The following NLRC5 variants were observed in gnomAD, a reference collection of about 807,000 sequenced individuals.
NLRC5 encodes the protein NLR family CARD domain containing 5.
NLRC5 carries 114 observed loss-of-function variants against 206.9 expected under a neutral mutation model. The observed-to-expected ratio is 0.55, with a 90% CI of 0.47 to 0.64. The LOEUF (loss-of-function observed/expected upper bound fraction) is 0.64. Among genes scored for constraint, NLRC5 ranks in the 30% least tolerant of loss-of-function variants. The probability of loss-of-function intolerance (pLI) is 0.00; values close to 1 mark genes in which losing one functional copy is unlikely to be tolerated. For synonymous variants in NLRC5, 952 were observed against 962.8 expected (o/e 0.99, Z 0.21); for missense variants, 2,008 against 2,305.5 (o/e 0.87, Z 2.64).
chr16:57,073,357 C>T (rs1366763003), intron 38 of NLRC5, among the ~76,000 whole-genome samples: 5 of 152,306 alleles, frequency 3.3e-5, no homozygotes, highest in Admixed American at 6.5e-5. Flanking sequence ...TCCCCACAGG[C>T]AGTTACCCTC....
chr16:57,043,600 A>G lies in NLRC5; in HGVS notation c.3199A>G (p.Ile1067Val), dbSNP rs751247247. Residue 1067 changes from isoleucine to valine, a missense_variant, in exon 20 of 49, where the codon ATC becomes GTC. Physicochemically the swap from Ile to Val is conservative, Grantham distance 29 (BLOSUM62 3). Coordinates refer to ENST00000688547, the MANE Select transcript of NLRC5 (RefSeq NM_001384950.1). ...STLQWLFRLD[I>V]SFESQHILLR... is the part of the protein sequence containing the mutation. ...TCTGCAGTGGCTCTTCCGCTTGGAC[A>G]TCAGGTGAGCGTGCCTCTCCGCCCC... The G allele has an allele frequency of 4.9e-5, 79 of 1,613,498 alleles. No individual in the cohort carries two copies. The highest frequency in any genetic ancestry group is 6.7e-5 in the Admixed American group (4 of 59,988).
At chr16:57,061,412 C>T (rs1322665730) in intron 30 of NLRC5, 36 bp from the exon 31 acceptor site, 1 of 1,594,544 alleles carries the variant, frequency 6.3e-7, no homozygotes, top group East Asian at 2.2e-5. Flanking sequence ...TGCCCACAGG[C>T]CTCACCCAGG....
In NLRC5 at chr16:57,029,821, G is replaced by C; in HGVS notation, c.2292G>C (p.Glu764Asp). 1.2e-6 allele frequency: 2 copies of C among 1,614,184 alleles called. No individual in the cohort carries two copies. Among genetic ancestry groups the C allele is most frequent in the Non-Finnish European group, 1.7e-6 (2 of 1,180,028 alleles). ...LSDQVVLNIV[E>D]VLPHLPRLRK... ...ACCAGGTGGTGCTGAACATTGTGGA[G>C]GTTCTCCCTCACCTACCACGGCTCC... Residue 764 changes from glutamate (E) to aspartate (D), a missense_variant, in exon 9 of 49, where the codon GAG becomes GAC. Transcript: ENST00000688547.
chr16:57,011,121 T>A (rs2059446014), intron 1 of NLRC5, among the ~76,000 whole-genome samples: 1 of 152,116 alleles, frequency 6.6e-6, no homozygotes, highest in South Asian at 2.1e-4. Context: ...TTTTAAAATT[T>A]GAATTTATGG....
At chr16:57,047,716 G>A in intron 23 of NLRC5, 88 bp downstream of exon 23, 2 of 1,133,452 alleles carry the variant, frequency 1.8e-6, no homozygotes, top group East Asian at 2.5e-5. Context: ...GAAGACAGGT[G>A]AGTCTTTCTC....
chr16:57,035,224 C>T (rs1181542555), intron 13 of NLRC5, among the ~76,000 whole-genome samples: 5 of 152,078 alleles, frequency 3.3e-5, no homozygotes, highest in Non-Finnish European at 4.4e-5. Context: ...CAAAACTATC[C>T]TCTTTTCCTC....
chr16:57,081,364 C>T, intron 47 of NLRC5, 163 bp from the exon 48 acceptor site: 1 of 863,940 alleles, frequency 1.2e-6, no homozygotes, highest in Non-Finnish European at 1.8e-6. Context: ...AGCCTTCCTG[C>T]TGCACCTGCC....
At chr16:57,052,946 G>A (rs2065128483) in intron 24 of NLRC5, 1 of 152,304 alleles carries the variant, frequency 6.6e-6, no homozygotes, top group Admixed American at 6.5e-5. Flanking sequence ...GGAGTGGCGT[G>A]GCCAGCCTGA....
At chr16:57,066,696 C>T in intron 34 of NLRC5, 82 bp downstream of exon 34, 1 of 1,257,634 alleles carries the variant, frequency 8.0e-7, no homozygotes, top group Non-Finnish European at 1.2e-6. Flanking sequence ...TATTCACCAC[C>T]CTGCCCAGAG....
chr16:57,046,157 T>G (rs1369908260), intron 21 of NLRC5, among the ~76,000 whole-genome samples: 1 of 152,172 alleles, frequency 6.6e-6, no homozygotes, highest in African/African-American at 2.4e-5. Context: ...CAGGATAGGA[T>G]CTCTGTTTCT....
At chr16:57,002,623 A>G (rs919354206) in intron 1 of NLRC5, among the ~76,000 whole-genome samples, 7 of 149,040 alleles carry the variant, frequency 4.7e-5, no homozygotes, top group African/African-American at 1.7e-4. Flanking sequence ...TGGTAGCTCT[A>G]AATTTAGTTT....
Position 57,055,057 on chromosome 16 carries a change from T to C in NLRC5, c.3622T>C (p.Phe1208Leu), listed in dbSNP as rs1331920050. Residue 1208 changes from phenylalanine to leucine, a missense_variant, in exon 26 of 49, where the codon TTC becomes CTC. Transcript: ENST00000688547. Reference sequence around the variant, plus strand: ...GTCCCTGCACCATGCAACTTTGCACTTCAGATCCAACGAGGAGGAGGAAGG... The same window carrying C: ...GTCCCTGCACCATGCAACTTTGCACCTCAGATCCAACGAGGAGGAGGAAGG... Reference protein sequence around the residue: ...LRSLHHATLHFRSNEEEEGVC... With the variant: ...LRSLHHATLHLRSNEEEEGVC... 6.2e-7 allele frequency: 1 copy of C among 1,614,230 alleles called. No individual in the cohort carries two copies. Among genetic ancestry groups the C allele is most frequent in the Admixed American group, 1.7e-5 (1 of 60,034 alleles).
At chr16:57,001,392 C>A (rs1440370540) in intron 1 of NLRC5, among the ~76,000 whole-genome samples, 1 of 152,184 alleles carries the variant, frequency 6.6e-6, no homozygotes, top group Non-Finnish European at 1.5e-5. Flanking sequence ...CCTAATGGGA[C>A]CTCCTCCTTA....
At chr16:57,000,865 G>A (rs1236800968) in intron 1 of NLRC5, among the ~76,000 whole-genome samples, 1 of 152,182 alleles carries the variant, frequency 6.6e-6, no homozygotes, top group Non-Finnish European at 1.5e-5. Context: ...AAAGGAGGGT[G>A]ACGCCTCCCA....
intron 1 of NLRC5, chr16:56,990,945 G>A (rs139229228): frequency 3.3e-5 from 5 of 152,306 alleles, no homozygotes; most frequent in African/African-American, 1.2e-4. Context: ...ACATTGCCAG[G>A]TGGACCTGCA....
At chr16:57,021,742 C>T (rs1445740256) in intron 3 of NLRC5, among the ~76,000 whole-genome samples, 1 of 152,162 alleles carries the variant, frequency 6.6e-6, no homozygotes, top group Non-Finnish European at 1.5e-5. Context: ...CTTCTGCCCT[C>T]TACTGATCCG....
In NLRC5 at chr16:57,025,879, C is replaced by A; in HGVS notation, c.936C>A (p.Ala312=). ...TGATCTTTGATGGGCTAGATGAGGCCCTCCAGCCTATGGGTCCTGATGGCC... is the reference window on the plus strand; with the variant it reads ...TGATCTTTGATGGGCTAGATGAGGCACTCCAGCCTATGGGTCCTGATGGCC... The part of the protein sequence containing the change: ...VLLIFDGLDE[A]LQPMGPDGPG... The change falls in exon 6 of 49, where the codon GCC becomes GCA. Residue 312 remains alanine, a synonymous_variant. Transcript: ENST00000688547. 1.2e-6 allele frequency: 2 copies of A among 1,614,210 alleles called. No individual in the cohort carries two copies. The highest frequency in any genetic ancestry group is 1.7e-6 in the Non-Finnish European group (2 of 1,180,042).
chr16:57,036,051 A>AG (rs1179260343), intron 13 of NLRC5, 49 bp from the exon 14 acceptor site: 16 of 1,543,880 alleles, frequency 1.0e-5, no homozygotes, highest in Admixed American at 1.7e-5. Flanking sequence ...ATGGGGATTG[A>AG]GGGAGGACTC....
In NLRC5 at chr16:57,037,284, G is replaced by A. The variant is rs1339071445; in HGVS notation, c.2801G>A (p.Ser934Asn). The change falls in exon 15 of 49, where the codon AGC becomes AAC. Residue 934 changes from serine to asparagine, a missense_variant and splice_region_variant. Coordinates refer to ENST00000688547, the MANE Select transcript of NLRC5 (RefSeq NM_001384950.1). ...ACWTLAELHI[S>N]LQHKTVIFMF... ...TGGACCCTGGCAGAGCTGCACATCA[G>A]GTGGGAGCTCCCTCAGACCACGGTA... 1 of 1,611,654 alleles carries A rather than the reference G, an allele frequency of 6.2e-7. No individual in the cohort carries two copies. Among genetic ancestry groups the A allele is most frequent in the Non-Finnish European group, 8.5e-7 (1 of 1,179,434 alleles).
Sources: gnomAD v4.1 joint callset for allele counts (sites outside exome capture counted in the v4.1 genomes callset) on GRCh38, gnomAD v4.1.1 for gene constraint, MANE v1.5 for transcripts, NCBI Gene and HGNC (gene_info 2026-07-23, HGNC 2026-07-21) for gene names.